LIMK2: variants seen among roughly 807,000 people sequenced by gnomAD.
The protein encoded by LIMK2 is LIM domain kinase 2.
A neutral mutation model predicts 75.7 loss-of-function variants in LIMK2; 35 were observed. The ratio of observed to expected loss-of-function variants is 0.46; its 90% confidence interval spans 0.35 to 0.61. The LOEUF is 0.61. LIMK2 is among the 20% of genes least tolerant of loss of function. The probability of loss-of-function intolerance (pLI) is 0.00; values close to 1 mark genes in which losing one functional copy is unlikely to be tolerated. For synonymous variants in LIMK2, 301 were observed against 319.2 expected (o/e 0.94, Z 0.61); for missense variants, 623 against 831.0 (o/e 0.75, Z 3.08).
At position 31,262,454 on chromosome 22, in the gene LIMK2, G is replaced by A; in HGVS notation, c.658-141G>A. ...GAGCTGACAGGATGCCAGGCAGAGG[G>A]CACTGTGAGGCCACTGGCAGCTAAA... On this transcript the variant is annotated intron_variant, in intron 6 of 15. Coordinates refer to ENST00000331728, the MANE Select transcript of LIMK2 (RefSeq NM_005569.4). The surrounding 1 kb of genome is among the most constrained non-coding windows in gnomAD (Gnocchi z 5.0). 1.2e-6 allele frequency: 1 copy of A among 849,764 alleles called. No homozygotes were observed. The highest frequency in any genetic ancestry group is 1.9e-6 in the Non-Finnish European group (1 of 532,224). The allele number at this position is 849,764 out of a possible 1,614,324, so 52.6% of individuals were successfully genotyped here. A position where few individuals can be genotyped will look rare whatever the true frequency, so the allele number is the denominator to read the frequency against.
At chr22:31,259,858 C>CA (rs780679353) in intron 4 of LIMK2, 31 bp from the exon 5 acceptor site, 30 of 1,577,630 alleles carry the variant, frequency 1.9e-5, no homozygotes, top group Non-Finnish European at 2.6e-5. Flanking sequence ...GGGACTCTAG[C>CA]ATCTTATTCC....
intron 2 of LIMK2, among the ~76,000 whole-genome samples, chr22:31,238,886 G>A (rs559148288): frequency 1.2e-4 from 18 of 152,290 alleles, no homozygotes; most frequent in African/African-American, 3.4e-4. Context: ...GATATCCGAA[G>A]CATTTTTCCC....
In LIMK2 at chr22:31,273,436, T is replaced by C; in HGVS notation, c.1559-16T>C. 1.2e-6 allele frequency: 2 copies of C among 1,611,942 alleles called. No individual in the cohort carries two copies. Among genetic ancestry groups the C allele is most frequent in the Non-Finnish European group, 8.5e-7 (1 of 1,178,142 alleles). On this transcript the variant is annotated splice_polypyrimidine_tract_variant and intron_variant, in intron 13 of 15. Transcript: ENST00000331728. ...GGGATGTAAACTTAACAGTGTGCTC[T>C]CCTGTGTTCCCCAAGGAAAGAGCTA...
At chr22:31,212,932 A>G (rs962953501) in intron 1 of LIMK2, among the ~76,000 whole-genome samples, 1 of 152,052 alleles carries the variant, frequency 6.6e-6, no homozygotes, top group Non-Finnish European at 1.5e-5. Context: ...GCCAAGACCC[A>G]AGGCTTCTCG....
intron 2 of LIMK2, among the ~76,000 whole-genome samples, chr22:31,250,756 A>G (rs887534751): frequency 2.0e-5 from 3 of 152,034 alleles, no homozygotes; most frequent in African/African-American, 7.2e-5. Context: ...CTCTTTTATT[A>G]TAGGATATCC....
chr22:31,247,458 C>A (rs1228792322), intron 2 of LIMK2, among the ~76,000 whole-genome samples: 1 of 152,144 alleles, frequency 6.6e-6, no homozygotes, highest in Non-Finnish European at 1.5e-5. Context: ...AGAAGAAGCT[C>A]CACTGTCCAC....
intron 2 of LIMK2, among the ~76,000 whole-genome samples, chr22:31,232,265 A>C (rs73158533): frequency 1.3e-5 from 2 of 151,704 alleles, no homozygotes; most frequent in African/African-American, 4.8e-5. Flanking sequence ...AAAAAAAAAA[A>C]AAAACAGTAG....
chr22:31,224,153 A>T (rs1431442727), intron 1 of LIMK2, among the ~76,000 whole-genome samples: 1 of 152,200 alleles, frequency 6.6e-6, no homozygotes, highest in East Asian at 1.9e-4. Context: ...CAGGTACCAC[A>T]GCTTGATCTC....
At chr22:31,246,379 AAAAG>A (rs1421365798) in intron 2 of LIMK2, among the ~76,000 whole-genome samples, 1 of 152,028 alleles carries the variant, frequency 6.6e-6, no homozygotes, top group Non-Finnish European at 1.5e-5. Flanking sequence ...AAAAAAAAAA[AAAAG>A]AAAAAAATCT....
At chr22:31,226,115 G>A (rs1365603810) in intron 2 of LIMK2, among the ~76,000 whole-genome samples, 1 of 152,172 alleles carries the variant, frequency 6.6e-6, no homozygotes, top group African/African-American at 2.4e-5. Flanking sequence ...TGAGGCCCAG[G>A]AAGAGTGACT....
chr22:31,235,477 G>T (rs1045649806), intron 2 of LIMK2, among the ~76,000 whole-genome samples: 1 of 152,178 alleles, frequency 6.6e-6, no homozygotes, highest in Admixed American at 6.5e-5. Context: ...CTTTCCAGCA[G>T]CAGGTCTTGA....
intron 2 of LIMK2, among the ~76,000 whole-genome samples, chr22:31,245,111 G>A (rs1449753798): frequency 2.0e-5 from 3 of 152,142 alleles, no homozygotes; most frequent in African/African-American, 7.2e-5. Flanking sequence ...CCTTCTTCTG[G>A]CTGCCTCTGG....
intron 2 of LIMK2, among the ~76,000 whole-genome samples, chr22:31,242,002 A>G (rs1266886517): frequency 1.3e-5 from 2 of 152,196 alleles, no homozygotes; most frequent in East Asian, 3.8e-4. Flanking sequence ...CCTCAATGTG[A>G]GCTCTAGCAA....
chr22:31,276,751 C>T (rs778983209), intron 15 of LIMK2: 140 of 1,571,434 alleles, frequency 8.9e-5, no homozygotes, highest in Non-Finnish European at 1.1e-4. Context: ...GCCCCCAGGC[C>T]AGGCAGTGGC....
intron 1 of LIMK2, among the ~76,000 whole-genome samples, chr22:31,223,782 G>T (rs2048456497): frequency 6.6e-6 from 1 of 152,132 alleles, no homozygotes; most frequent in Non-Finnish European, 1.5e-5. Context: ...AGGAGTCTGA[G>T]GATTTTAGAC....
At chr22:31,214,598 CT>C (rs78804477) in intron 1 of LIMK2, among the ~76,000 whole-genome samples, 220 of 143,844 alleles carry the variant, frequency 1.5e-3, no homozygotes, top group Non-Finnish European at 1.5e-3. Context: ...CCATCCTCTA[CT>C]TTTTTTTTTT....
chr22:31,264,680 T>G (rs1476959622), intron 7 of LIMK2, among the ~76,000 whole-genome samples: 2 of 150,276 alleles, frequency 1.3e-5, no homozygotes, highest in African/African-American at 4.9e-5. Context: ...CCCAGCACAT[T>G]GGGAGGCCGA....
chr22:31,218,125 C>A (rs1230992491), intron 1 of LIMK2, among the ~76,000 whole-genome samples: 1 of 152,232 alleles, frequency 6.6e-6, no homozygotes, highest in Non-Finnish European at 1.5e-5. Flanking sequence ...AAGTGCCTGG[C>A]ACCATGGGAG....
At chr22:31,217,941 T>C (rs188550759) in intron 1 of LIMK2, among the ~76,000 whole-genome samples, 271 of 152,360 alleles carry the variant, frequency 1.8e-3, no homozygotes, top group Admixed American at 3.1e-3. Context: ...CAGTAATTCC[T>C]GGCCTACTCT....
Sources: gnomAD v4.1 joint callset for allele counts (sites outside exome capture counted in the v4.1 genomes callset) on GRCh38, gnomAD v4.1.1 for gene constraint, Gnocchi (gnomAD v3.1) non-coding constraint, MANE v1.5 for transcripts, NCBI Gene and HGNC (gene_info 2026-07-23, HGNC 2026-07-21) for gene names.